OTOGL: variants seen among roughly 807,000 people sequenced by gnomAD.
OTOGL encodes the protein otogelin like, also known as otogelin-like protein.
OTOGL carries 285 observed loss-of-function variants against 318.5 expected under a neutral mutation model. The ratio of observed to expected loss-of-function variants is 0.89; its 90% CI spans 0.81 to 0.99. OTOGL has a LOEUF of 0.99. OTOGL is among the 50% of genes least tolerant of loss of function. OTOGL has a pLI of 0.00. For missense variants in OTOGL, 2,899 were observed against 2,845.6 expected (o/e 1.02, Z -0.43); for synonymous variants, 987 against 936.5 (o/e 1.05, Z -0.99).
At chr12:80,210,742 T>C in intron 2 of OTOGL, 105 bp from the exon 3 acceptor site, 1 of 877,750 alleles carries the variant, frequency 1.1e-6, no homozygotes, top group Non-Finnish European at 1.6e-6. Flanking sequence ...CAAACTTCAA[T>C]CAGAATTTTA....
intron 35 of OTOGL, among the ~76,000 whole-genome samples, chr12:80,325,715 A>G (rs887477639): frequency 6.6e-6 from 1 of 152,234 alleles, no homozygotes; most frequent in Non-Finnish European, 1.5e-5. Context: ...TCTGGTAGCC[A>G]TCAGGATGAC....
intron 5 of OTOGL, among the ~76,000 whole-genome samples, chr12:80,218,658 C>T (rs1229979357): frequency 6.6e-6 from 1 of 151,918 alleles, no homozygotes; most frequent in Non-Finnish European, 1.5e-5. Context: ...CTTGCTTTCT[C>T]TTTTTAACAT....
At chr12:80,264,929 C>A (rs1375471839) in intron 19 of OTOGL, 72 bp from the exon 20 acceptor site, 2 of 1,441,572 alleles carry the variant, frequency 1.4e-6, no homozygotes, top group Non-Finnish European at 9.7e-7. Flanking sequence ...TTTCTAAGAA[C>A]GTGAAATGCT....
At chr12:80,324,700 C>G (rs114980802) in intron 35 of OTOGL, among the ~76,000 whole-genome samples, 1 of 151,914 alleles carries the variant, frequency 6.6e-6, no homozygotes, top group Non-Finnish European at 1.5e-5. Context: ...GTTGGTGGCC[C>G]GAGAGGTTAT....
At chr12:80,306,474 T>A (rs988522734) in intron 29 of OTOGL, among the ~76,000 whole-genome samples, 2 of 152,222 alleles carry the variant, frequency 1.3e-5, no homozygotes, top group Admixed American at 1.3e-4. Flanking sequence ...CACAATTTCC[T>A]GATTGGTTAC....
chr12:80,126,192 C>T (rs1870824561), intron 1 of OTOGL, among the ~76,000 whole-genome samples: 1 of 152,024 alleles, frequency 6.6e-6, no homozygotes, highest in Non-Finnish European at 1.5e-5. Context: ...TGTAAATTTC[C>T]CTCTACACAC....
intron 27 of OTOGL, among the ~76,000 whole-genome samples, chr12:80,302,216 T>C (rs1449918713): frequency 6.6e-6 from 1 of 152,210 alleles, no homozygotes; most frequent in African/African-American, 2.4e-5. Context: ...CATAAACTAC[T>C]CAGAAACATG....
intron 18 of OTOGL, among the ~76,000 whole-genome samples, chr12:80,259,637 G>A (rs933969893): frequency 2.0e-5 from 3 of 151,982 alleles, no homozygotes; most frequent in Non-Finnish European, 4.4e-5. Context: ...GCGGTGATTG[G>A]TTTTCCGTTC....
At chr12:80,345,761 AC>A (rs755313115) in intron 44 of OTOGL, among the ~76,000 whole-genome samples, 31 of 152,176 alleles carry the variant, frequency 2.0e-4, no homozygotes, top group Non-Finnish European at 4.4e-4. Context: ...TGTAGGACCT[AC>A]TAGTACTTTC....
chr12:80,379,349 A>G lies in OTOGL; in HGVS notation c.*1301A>G, dbSNP rs1891344060. 1 of 152,000 alleles carries G rather than the reference A, an allele frequency of 6.6e-6. No homozygotes were observed. The highest frequency in any genetic ancestry group is 1.5e-5 in the Non-Finnish European group (1 of 67,890). 9.4% of individuals were successfully genotyped at this position (152,000 alleles called of 1,614,324 possible). A position where few individuals can be genotyped will look rare whatever the true frequency, so the allele number is the denominator to read the frequency against. Reference sequence around the variant, plus strand: ...GGTGGGCTTAGGCTTAAACTAGATTATCTGCTTTCATATACTAATGTTTTC... The same window carrying G: ...GGTGGGCTTAGGCTTAAACTAGATTGTCTGCTTTCATATACTAATGTTTTC... On this transcript the variant is annotated 3_prime_UTR_variant, in exon 59 of 59. Coordinates refer to ENST00000547103, the MANE Select transcript of OTOGL (RefSeq NM_001378609.3).
At position 80,320,196 on chromosome 12, in the gene OTOGL, AT is replaced by A. The variant is rs927272477; in HGVS notation, c.3803-215del. Among the ~76,000 whole-genome samples, 168 of 146,698 alleles carry A rather than the reference AT, an allele frequency of 1.1e-3. 1 individual carries two copies. Among genetic ancestry groups the A allele is most frequent in the African/African-American group, 2.2e-3 (88 of 40,244 alleles). On this transcript the variant is annotated intron_variant, in intron 33 of 58. Transcript: ENST00000547103. ...AAAAAATAGAAGTTACCAAAGACTG[AT>A]TTTTTTTTTTAGTGATATCACTGTT...
intron 11 of OTOGL, among the ~76,000 whole-genome samples, chr12:80,244,854 C>T (rs1880725679): frequency 7.0e-6 from 1 of 143,668 alleles, no homozygotes; most frequent in South Asian, 2.2e-4. Context: ...TTAATGATTG[C>T]CATTCTAACT....
At chr12:80,219,321 A>G (rs1401142589) in intron 5 of OTOGL, among the ~76,000 whole-genome samples, 1 of 152,204 alleles carries the variant, frequency 6.6e-6, no homozygotes, top group Non-Finnish European at 1.5e-5. Context: ...CACGTTGGCC[A>G]GGCTGGTCTC....
chr12:80,213,897 G>A (rs1049552286), intron 4 of OTOGL, among the ~76,000 whole-genome samples: 5 of 152,168 alleles, frequency 3.3e-5, no homozygotes, highest in Non-Finnish European at 5.9e-5. Context: ...TTCTGCTCTA[G>A]GAAAACAGAG....
chr12:80,157,035 G>A (rs1358365888), intron 1 of OTOGL, among the ~76,000 whole-genome samples: 1 of 152,118 alleles, frequency 6.6e-6, no homozygotes, highest in Non-Finnish European at 1.5e-5. Flanking sequence ...CATAGTGGTT[G>A]TACTGATTTA....
At chr12:80,341,816 C>G (rs1250610572) in intron 43 of OTOGL, 132 bp from the exon 44 acceptor site, 3 of 658,848 alleles carry the variant, frequency 4.6e-6, no homozygotes, top group African/African-American at 3.7e-5. Flanking sequence ...TGTAAAAGTT[C>G]AAGGATACAT....
intron 52 of OTOGL, among the ~76,000 whole-genome samples, chr12:80,364,118 G>A (rs558401535): frequency 1.3e-4 from 20 of 152,144 alleles, no homozygotes; most frequent in Non-Finnish European, 2.2e-4. Flanking sequence ...TATATTATTA[G>A]CATTGTGCTA....
In OTOGL at chr12:80,310,699, G is replaced by C. The variant is rs760383205; in HGVS notation, c.3422G>C (p.Ser1141Thr). ...YAKKECSILY[S>T]DIFASCRNVI... ...AAGAAAGAATGCTCCATTTTGTACA[G>C]TGATATTTTTGCTTCTTGTCGCAAT... The change falls in exon 30 of 59, where the codon AGT (serine) becomes ACT (threonine). Residue 1141 changes from serine (S) to threonine (T), a missense_variant. This residue lies in a region of OTOGL where 2,607 missense variants were observed against 2,524.9 expected (regional missense o/e 1.03). Transcript: ENST00000547103. 4 of 1,589,600 alleles carry C rather than the reference G, an allele frequency of 2.5e-6. No homozygotes were observed. The Admixed American group carries it at 6.7e-5, about 27-fold the overall frequency.
In OTOGL at chr12:80,156,121, G is replaced by A. The variant is rs545258544; in HGVS notation, c.-19-53292G>A. Among the ~76,000 whole-genome samples, 51 of 152,300 alleles carry A rather than the reference G, an allele frequency of 3.3e-4. 1 individual carries two copies. The Middle Eastern group carries it at 0.017, about 51-fold the overall frequency. On this transcript the variant is annotated intron_variant, in intron 1 of 58. Transcript: ENST00000547103. ...CCAAAGGAGATTAACATTTGAGTCCGTGGACTGCGAAAGGCAGACCCTATC... is the reference window on the plus strand; with the variant it reads ...CCAAAGGAGATTAACATTTGAGTCCATGGACTGCGAAAGGCAGACCCTATC...
Sources: gnomAD v4.1 joint callset for allele counts (sites outside exome capture counted in the v4.1 genomes callset) on GRCh38, gnomAD v4.1.1 for gene constraint, gnomAD v4.1.1 regional missense constraint, MANE v1.5 for transcripts, NCBI Gene and HGNC (gene_info 2026-07-23, HGNC 2026-07-21) for gene names.